Variants in PRIM2 observed in about 807,000 individuals in gnomAD.
The protein encoded by PRIM2 is DNA primase subunit 2, also known as DNA primase large subunit.
PRIM2 carries 39 observed loss-of-function variants against 67.3 expected under a neutral mutation model. The ratio of observed to expected loss-of-function variants is 0.58; its 90% confidence interval spans 0.45 to 0.76. The LOEUF (loss-of-function observed/expected upper bound fraction) is 0.76, where lower values mean the gene tolerates loss of function less well. PRIM2 is among the 30% of genes least tolerant of loss of function. The probability of loss-of-function intolerance (pLI) is 0.00; values close to 1 mark genes in which losing one functional copy is unlikely to be tolerated. For missense variants in PRIM2, 398 were observed against 598.7 expected, an observed-to-expected ratio of 0.66 and a Z score of 3.50; for synonymous variants, 143 against 198.7, an observed-to-expected ratio of 0.72 and a Z score of 2.36.
intron 7 of PRIM2, among the ~76,000 whole-genome samples, chr6:57,399,006 A>G (rs1240694254): frequency 1.3e-5 from 2 of 151,558 alleles, no homozygotes; most frequent in Non-Finnish European, 2.9e-5. Flanking sequence ...CTTGGTAGAT[A>G]TTCCTGTATC....
intron 10 of PRIM2, among the ~76,000 whole-genome samples, chr6:57,579,170 T>TC (rs1776029495): frequency 1.3e-5 from 2 of 151,854 alleles, no homozygotes; most frequent in East Asian, 3.9e-4. Context: ...TTTTTTTTTT[T>TC]GGATACATTT....
intron 9 of PRIM2, among the ~76,000 whole-genome samples, chr6:57,536,098 A>G (rs1774996413): frequency 6.6e-6 from 1 of 152,208 alleles, no homozygotes; most frequent in Non-Finnish European, 1.5e-5. Context: ...AATGAACTAG[A>G]CTGGGGATGG....
chr6:57,279,427 CT>C, the PRIM2 span, among the ~76,000 whole-genome samples: 5 of 152,050 alleles, frequency 3.3e-5, no homozygotes, highest in Non-Finnish European at 2.9e-5. Flanking sequence ...CTTCTGTCAG[CT>C]TTTTTCAGAG....
intron 10 of PRIM2, among the ~76,000 whole-genome samples, chr6:57,561,183 G>A (rs1412307030): frequency 1.3e-5 from 2 of 152,140 alleles, no homozygotes; most frequent in Non-Finnish European, 2.9e-5. Context: ...CATGGAGATA[G>A]CTTCTTTCCT....
intron 8 of PRIM2, among the ~76,000 whole-genome samples, chr6:57,519,893 C>T (rs1158209147): frequency 1.7e-3 from 262 of 152,298 alleles, no homozygotes; most frequent in Middle Eastern, 0.01. Context: ...TCACAATCCA[C>T]GTTCTTCTGC....
In PRIM2 at chr6:57,336,053, G is replaced by A. The variant is rs369778640; in HGVS notation, c.459+10008G>A. ...CTGAAAACCAAGGCTCGAGAACTAC[G>A]TGAAGAATGCAGAAGCCTCAGGAGC... On this transcript the variant is annotated intron_variant, in intron 5 of 13. Transcript: ENST00000615550. 2.0e-3 allele frequency among the ~76,000 whole-genome samples: 311 copies of A among 152,198 alleles called. 7 individuals are homozygous for A. The East Asian group carries it at 0.049, about 24-fold the overall frequency.
chr6:57,407,415 AT>A (rs11352940), intron 7 of PRIM2, among the ~76,000 whole-genome samples: 6 of 148,840 alleles, frequency 4.0e-5, no homozygotes, highest in South Asian at 4.3e-4. Flanking sequence ...AAAGTCACAG[AT>A]TTTTTTTTTC....
At chr6:57,493,132 CTCTT>C (rs1773933639) in intron 7 of PRIM2, among the ~76,000 whole-genome samples, 1 of 152,182 alleles carries the variant, frequency 6.6e-6, no homozygotes, top group Non-Finnish European at 1.5e-5. Context: ...AACTGAATCT[CTCTT>C]AGTTTTTCTT....
At chr6:57,419,359 T>C (rs1180606273) in intron 7 of PRIM2, among the ~76,000 whole-genome samples, 1 of 152,172 alleles carries the variant, frequency 6.6e-6, no homozygotes, top group Non-Finnish European at 1.5e-5. Context: ...TGGTGTCCAA[T>C]AGGGTTCACT....
chr6:57,363,686 C>A (rs931803812), intron 5 of PRIM2, among the ~76,000 whole-genome samples: 5 of 152,080 alleles, frequency 3.3e-5, no homozygotes, highest in Non-Finnish European at 7.4e-5. Flanking sequence ...TTAAGATATT[C>A]TATTTAATTT....
At chr6:57,233,907 C>T in the PRIM2 span, among the ~76,000 whole-genome samples, 4 of 152,104 alleles carry the variant, frequency 2.6e-5, no homozygotes, top group Non-Finnish European at 4.4e-5. Flanking sequence ...AAGTGATCCT[C>T]CCGCCTTGGC....
intron 7 of PRIM2, among the ~76,000 whole-genome samples, chr6:57,417,453 A>G (rs1581885826): frequency 6.6e-6 from 1 of 152,182 alleles, no homozygotes; most frequent in Non-Finnish European, 1.5e-5. Context: ...AAAGTGAGAG[A>G]GGTGAGAATC....
rs528670528 is a variant in PRIM2 at position 57,400,041 on chromosome 6, C to G, written c.693+17873C>G. The stretch of plus-strand genomic sequence containing the variant: ...TCTTGAAGACAGCATACCATTGGGT[C>G]TTGCTTTTTTATCCAGCTTGCCACC... On this transcript the variant is annotated intron_variant, in intron 7 of 13. Transcript: ENST00000615550. 1.2e-4 allele frequency among the ~76,000 whole-genome samples: 19 copies of G among 152,366 alleles called. No homozygotes were observed. In the East Asian group the frequency reaches 3.7e-3, roughly 29 times the overall value.
chr6:57,342,147 T>C (rs578203181), intron 5 of PRIM2, among the ~76,000 whole-genome samples: 49 of 152,348 alleles, frequency 3.2e-4, no homozygotes, highest in Admixed American at 2.5e-3. Context: ...ATTGATACTT[T>C]TTTAGTCTAT....
chr6:57,386,418 A>G (rs1335550279), intron 7 of PRIM2, among the ~76,000 whole-genome samples: 1 of 94,738 alleles, frequency 1.1e-5, no homozygotes, highest in African/African-American at 8.7e-5. Flanking sequence ...ACCCTGTCTC[A>G]AAAAAAAAAA....
At chr6:57,249,624 C>T in the PRIM2 span, among the ~76,000 whole-genome samples, 2 of 152,108 alleles carry the variant, frequency 1.3e-5, no homozygotes, top group African/African-American at 4.8e-5. Flanking sequence ...TGCCTGTAAT[C>T]CCAGCTACTC....
At chr6:57,289,583 C>A in the PRIM2 span, among the ~76,000 whole-genome samples, 6 of 152,140 alleles carry the variant, frequency 3.9e-5, no homozygotes, top group Non-Finnish European at 7.3e-5. Context: ...CAAAGGGAAG[C>A]CCATCAGACA....
intron 7 of PRIM2, among the ~76,000 whole-genome samples, chr6:57,404,856 T>C (rs1402546036): frequency 6.9e-6 from 1 of 144,374 alleles, no homozygotes; most frequent in Non-Finnish European, 1.5e-5. Flanking sequence ...TTTTTTCTCT[T>C]TCCTCATTCA....
At chr6:57,645,317 TCATTCACA>T (rs1777315076) in intron 13 of PRIM2, among the ~76,000 whole-genome samples, 1 of 106,646 alleles carries the variant, frequency 9.4e-6, no homozygotes, top group African/African-American at 3.9e-5. Context: ...ACATACAATG[TCATTCACA>T]CACACACACA....
Sources: allele counts gnomAD v4.1 joint callset (sites outside exome capture counted in the v4.1 genomes callset), GRCh38; gene constraint gnomAD v4.1.1; transcripts MANE v1.5; gene names NCBI Gene and HGNC (gene_info 2026-07-23, HGNC 2026-07-21).